The following GLI2 variants were observed in gnomAD, a reference collection of about 807,000 sequenced individuals.
GLI2 encodes transcription activator GLI2.
GLI2 carries 22 observed loss-of-function variants against 78.9 expected under a neutral mutation model. The observed-to-expected ratio is 0.28, with a 90% CI of 0.20 to 0.40. GLI2 has a LOEUF of 0.40. GLI2 is among the 10% of genes least tolerant of loss of function. The probability of loss-of-function intolerance (pLI) is 1.00; values close to 1 mark genes in which losing one functional copy is unlikely to be tolerated. For synonymous variants in GLI2, 974 were observed against 963.7 expected (o/e 1.01, Z -0.20); for missense variants, 2,097 against 2,213.2 (o/e 0.95, Z 1.05).
intron 2 of GLI2, among the ~76,000 whole-genome samples, chr2:120,900,063 G>A (rs1678177975): frequency 2.6e-5 from 4 of 152,166 alleles, no homozygotes; most frequent in African/African-American, 7.2e-5. Context: ...GGGAACTGCT[G>A]GGGAAAGTTT....
intron 1 of GLI2, among the ~76,000 whole-genome samples, chr2:120,775,383 C>T (rs1017621145): frequency 6.6e-5 from 10 of 152,210 alleles, no homozygotes; most frequent in Non-Finnish European, 1.3e-4. Context: ...TCACCTCTCC[C>T]GGTGCCGTTC....
At chr2:120,879,459 C>T (rs895860786) in intron 2 of GLI2, among the ~76,000 whole-genome samples, 1 of 152,164 alleles carries the variant, frequency 6.6e-6, no homozygotes, top group African/African-American at 2.4e-5. Flanking sequence ...AGAGAGACCT[C>T]CTAGCCAGGC....
At chr2:120,871,464 C>T (rs923295267) in intron 2 of GLI2, among the ~76,000 whole-genome samples, 6 of 152,258 alleles carry the variant, frequency 3.9e-5, no homozygotes, top group African/African-American at 7.2e-5. Context: ...CTCGTCCCCT[C>T]GCCACTCTGT....
intron 3 of GLI2, among the ~76,000 whole-genome samples, chr2:120,942,979 C>T (rs1005373254): frequency 2.0e-5 from 3 of 149,644 alleles, no homozygotes; most frequent in Middle Eastern, 3.4e-3. Flanking sequence ...CCCTCACTCA[C>T]TCATTCATTC....
At chr2:120,768,334 C>A (rs1012313809) in intron 1 of GLI2, among the ~76,000 whole-genome samples, 2 of 152,220 alleles carry the variant, frequency 1.3e-5, no homozygotes, top group African/African-American at 4.8e-5. Context: ...AGCTGGGGTT[C>A]CTGGCGAGGC....
At chr2:120,937,898 C>T (rs1680271767) in intron 3 of GLI2, among the ~76,000 whole-genome samples, 1 of 152,240 alleles carries the variant, frequency 6.6e-6, no homozygotes, top group Non-Finnish European at 1.5e-5. Context: ...GCCGGCCACC[C>T]AGGCCCTTTC....
In GLI2 at chr2:120,988,251, C is replaced by T. The variant is rs1316504739; in HGVS notation, c.2286C>T (p.Pro762=). Residue 762 remains proline (P), a synonymous_variant, in exon 14 of 14, where the codon CCC becomes CCT. Coordinates refer to ENST00000361492, the MANE Select transcript of GLI2 (RefSeq NM_001374353.1). ...ENFSGSGGGG[P]AGLLPNPRLS... is the part of the protein sequence containing the mutation. The stretch of plus-strand genomic sequence containing the variant: ...TCAGTGGCAGTGGGGGCGGCGGGCC[C>T]GCGGGGCTGCTGCCGAACCCGCGGC... The T allele has an allele frequency of 6.4e-7, 1 of 1,574,040 alleles. No individual in the cohort carries two copies. The highest frequency in any genetic ancestry group is 1.8e-5 in the Admixed American group (1 of 56,282).
chr2:120,931,804 G>A (rs1679955516), intron 3 of GLI2, among the ~76,000 whole-genome samples: 1 of 152,196 alleles, frequency 6.6e-6, no homozygotes, highest in African/African-American at 2.4e-5. Context: ...AGGAGACCAG[G>A]CTCTGGGGTG....
At chr2:120,958,955 G>A (rs1157740632) in intron 5 of GLI2, among the ~76,000 whole-genome samples, 4 of 152,342 alleles carry the variant, frequency 2.6e-5, no homozygotes, top group Non-Finnish European at 5.9e-5. Flanking sequence ...TTGGGTGAGT[G>A]AGTGAATGAG....
chr2:120,954,004 G>A (rs191911007), intron 4 of GLI2, among the ~76,000 whole-genome samples: 16 of 152,230 alleles, frequency 1.1e-4, no homozygotes, highest in Non-Finnish European at 1.6e-4. Context: ...ACAGCCCCAC[G>A]ACATAGCAGG....
intron 13 of GLI2, among the ~76,000 whole-genome samples, chr2:120,987,898 T>G (rs1309519675): frequency 6.6e-6 from 1 of 152,198 alleles, no homozygotes; most frequent in East Asian, 1.9e-4. Flanking sequence ...TGCCACCATT[T>G]GTTTACATAT....
intron 5 of GLI2, among the ~76,000 whole-genome samples, chr2:120,960,049 G>A (rs1015711768): frequency 2.6e-5 from 4 of 152,170 alleles, no homozygotes; most frequent in Admixed American, 1.3e-4. Context: ...TTTCTCTGTC[G>A]TTGTGTCTCA....
rs570645559 is a variant in GLI2, at chr2:120,990,724, C to T, written c.*49C>T. On this transcript the variant is annotated 3_prime_UTR_variant, in exon 14 of 14. Transcript: ENST00000361492. ...TGCACCCGGAGGGGTCATCGCTGCC[C>T]AGAGCCTGGGGATTCCAGCTGTCTT... 9.1e-5 allele frequency: 136 copies of T among 1,491,666 alleles called. No homozygotes were observed. The South Asian group carries it at 1.5e-3, about 17-fold the overall frequency. The allele number at this position is 1,491,666 out of a possible 1,614,324, so 92.4% of individuals were successfully genotyped here.
intron 2 of GLI2, among the ~76,000 whole-genome samples, chr2:120,903,312 C>T (rs539054222): frequency 6.6e-6 from 1 of 151,828 alleles, no homozygotes; most frequent in Admixed American, 6.6e-5. Flanking sequence ...GCTGAGATCA[C>T]GCCACTACAC....
intron 2 of GLI2, among the ~76,000 whole-genome samples, chr2:120,816,030 C>T (rs1228273273): frequency 6.6e-6 from 1 of 152,156 alleles, no homozygotes; most frequent in Non-Finnish European, 1.5e-5. Flanking sequence ...ATATCCACTC[C>T]TGGCTCTATG....
chr2:120,886,906 G>A (rs1198319538), intron 2 of GLI2, among the ~76,000 whole-genome samples: 3 of 152,232 alleles, frequency 2.0e-5, no homozygotes, highest in Non-Finnish European at 4.4e-5. Context: ...TGTGTCAGGC[G>A]AGGCACATCC....
At chr2:120,923,588 A>G (rs1679508957) in intron 2 of GLI2, among the ~76,000 whole-genome samples, 1 of 151,924 alleles carries the variant, frequency 6.6e-6, no homozygotes, top group African/African-American at 2.4e-5. Flanking sequence ...ATACATATAC[A>G]ACACACAGCA....
At chr2:120,808,907 G>C (rs115345447) in intron 2 of GLI2, among the ~76,000 whole-genome samples, 2,590 of 152,280 alleles carry the variant, frequency 0.017, 67 homozygotes, top group African/African-American at 0.057. Flanking sequence ...GGGCACTGTG[G>C]AGCTTCCCAG....
intron 1 of GLI2, among the ~76,000 whole-genome samples, chr2:120,771,452 T>A (rs1419928194): frequency 1.3e-5 from 2 of 152,252 alleles, no homozygotes; most frequent in Admixed American, 1.3e-4. Flanking sequence ...CCAAGCGTCC[T>A]TCCTTTCAAC....
Sources: allele counts gnomAD v4.1 joint callset (sites outside exome capture counted in the v4.1 genomes callset), GRCh38; gene constraint gnomAD v4.1.1; transcripts MANE v1.5; gene names NCBI Gene and HGNC (gene_info 2026-07-23, HGNC 2026-07-21).